The following EEF2K variants were observed in gnomAD, a reference collection of about 807,000 sequenced individuals.
EEF2K encodes alternative protein EEF2K.
A neutral mutation model predicts 93.8 loss-of-function variants in EEF2K; 70 were observed. The ratio of observed to expected loss-of-function variants is 0.75; its 90% CI spans 0.62 to 0.91. The LOEUF (loss-of-function observed/expected upper bound fraction) is 0.91, where lower values mean the gene tolerates loss of function less well. EEF2K is among the 40% of genes least tolerant of loss of function. The pLI, the probability that EEF2K is intolerant of heterozygous loss-of-function variation, is 0.00. For missense variants in EEF2K, 935 were observed against 972.9 expected, an observed-to-expected ratio of 0.96 and a Z score of 0.52; for synonymous variants, 376 against 380.8, an observed-to-expected ratio of 0.99 and a Z score of 0.15.
At chr16:22,258,405 G>T in intron 9 of EEF2K, 89 bp from the exon 10 acceptor site, 2 of 1,342,352 alleles carry the variant, frequency 1.5e-6, no homozygotes, top group South Asian at 2.6e-5. Context: ...TGGATGAAGG[G>T]GTTTCAGGGT....
Position 22,214,958 on chromosome 16 carries a change from G to A in EEF2K, c.-77+8279G>A, listed in dbSNP as rs145918846. ...GCTTGAGCAGATTGCTTACAGAATT[G>A]CCTGGGGTTTAAAAACCCTCTAGAG... On this transcript the variant is annotated intron_variant, in intron 1 of 17. Transcript: ENST00000263026. Among the ~76,000 whole-genome samples the A allele has an allele frequency of 3.5e-4, 53 of 152,278 alleles. No individual in the cohort carries two copies. The East Asian group carries it at 6.2e-3, about 18-fold the overall frequency.
At position 22,225,755 on chromosome 16, in the gene EEF2K, G is replaced by A. The variant is rs752397121; in HGVS notation, c.26G>A (p.Arg9His). Reference protein sequence around the residue: MADEDLIFRLEGVDGGQSP... With the variant: MADEDLIFHLEGVDGGQSP... Reference sequence around the variant, plus strand: ...ATGGCAGACGAAGATCTCATCTTCCGCCTGGAAGGCGTTGATGGCGGCCAG... The same window carrying A: ...ATGGCAGACGAAGATCTCATCTTCCACCTGGAAGGCGTTGATGGCGGCCAG... Residue 9 changes from arginine (R) to histidine (H), a missense_variant, in exon 2 of 18, where the codon CGC (arginine) becomes CAC (histidine). Arg to His is a conservative substitution (Grantham distance 29, BLOSUM62 0). Coordinates refer to ENST00000263026, the MANE Select transcript of EEF2K (RefSeq NM_013302.5). 6.0e-5 allele frequency: 97 copies of A among 1,614,074 alleles called. No individual in the cohort carries two copies. The highest frequency in any genetic ancestry group is 7.8e-5 in the Non-Finnish European group (92 of 1,180,046).
chr16:22,273,772 AG>A, intron 16 of EEF2K, 22 bp downstream of exon 16: 1 of 1,610,628 alleles, frequency 6.2e-7, no homozygotes, highest in Non-Finnish European at 8.5e-7. Flanking sequence ...GTCACCCAGG[AG>A]GAGCTGGTAG....
At chr16:22,252,281 G>C (rs962756128) in intron 6 of EEF2K, among the ~76,000 whole-genome samples, 1 of 152,232 alleles carries the variant, frequency 6.6e-6, no homozygotes, top group Admixed American at 6.5e-5. Context: ...ACGGCTGGAT[G>C]CAGGATTAAA....
intron 2 of EEF2K, among the ~76,000 whole-genome samples, chr16:22,229,054 C>A (rs2047091102): frequency 6.6e-6 from 1 of 151,852 alleles, no homozygotes; most frequent in Non-Finnish European, 1.5e-5. Flanking sequence ...CAGAAGAATC[C>A]CTTGAACCCA....
chr16:22,248,668 G>A (rs1316534411), intron 3 of EEF2K, 87 bp from the exon 4 acceptor site: 12 of 1,528,472 alleles, frequency 7.9e-6, no homozygotes, highest in Non-Finnish European at 1.1e-5. Flanking sequence ...GGTCAGTGGG[G>A]AGCCCAGAAG....
chr16:22,244,881 C>T (rs1324753220), intron 3 of EEF2K, 151 bp downstream of exon 3: 5 of 748,176 alleles, frequency 6.7e-6, no homozygotes, highest in Non-Finnish European at 8.9e-6. Flanking sequence ...GTGCTTAAGG[C>T]CCGGTGCATT....
chr16:22,245,776 C>G (rs528879335), intron 3 of EEF2K, among the ~76,000 whole-genome samples: 64 of 152,262 alleles, frequency 4.2e-4, no homozygotes, highest in African/African-American at 1.4e-3. Flanking sequence ...ATGCACCTAT[C>G]TGTGACAAAA....
intron 1 of EEF2K, among the ~76,000 whole-genome samples, chr16:22,208,430 GGAGAATC>G (rs2046884963): frequency 6.6e-6 from 1 of 152,176 alleles, no homozygotes; most frequent in Admixed American, 6.5e-5. Flanking sequence ...GGCTGAGGCA[GGAGAATC>G]GAGAATCGTT....
At chr16:22,257,597 G>A (rs201951614) in intron 8 of EEF2K, 46 bp from the exon 9 acceptor site, 43 of 1,600,812 alleles carry the variant, frequency 2.7e-5, no homozygotes, top group South Asian at 6.6e-5. Flanking sequence ...CCTGTCCCCC[G>A]TCACAGAGCA....
chr16:22,279,505 A>C (rs1013453283), intron 16 of EEF2K, among the ~76,000 whole-genome samples: 3 of 152,184 alleles, frequency 2.0e-5, no homozygotes, highest in African/African-American at 7.2e-5. Context: ...TGTAATAATC[A>C]CATCAGGATA....
chr16:22,266,615 G>A, intron 14 of EEF2K, 73 bp from the exon 15 acceptor site: 1 of 1,588,152 alleles, frequency 6.3e-7, no homozygotes, highest in Non-Finnish European at 8.6e-7. Flanking sequence ...TCCTCCCGCA[G>A]GCTGGCTGGG....
At chr16:22,266,585 C>G in intron 14 of EEF2K, 61 bp downstream of exon 14, 7 of 1,602,544 alleles carry the variant, frequency 4.4e-6, no homozygotes, top group Non-Finnish European at 6.0e-6. Context: ...CCAGCTCCAG[C>G]CTCTCCTCCG....
chr16:22,275,959 T>C (rs535181744), intron 16 of EEF2K, among the ~76,000 whole-genome samples: 2 of 150,618 alleles, frequency 1.3e-5, no homozygotes, highest in African/African-American at 4.9e-5. Context: ...TATCTATTTA[T>C]TTATTTTTGA....
rs899134922 is a variant in EEF2K, at chr16:22,257,653, G to A, written c.912G>A (p.Gly304=). ...CCGCTCTGTCCACAGGTGTCCGCGG[G>A]ATGGCGCTCTTCTTCTACTCTCATG... ...DFGDGNLGVR[G]MALFFYSHAC... is the part of the protein sequence containing the mutation. Residue 304 remains glycine (G), a synonymous_variant, in exon 9 of 18, where the codon GGG becomes GGA. Transcript: ENST00000263026. 2 of 1,613,438 alleles carry A rather than the reference G, an allele frequency of 1.2e-6. No individual in the cohort carries two copies. Among genetic ancestry groups the A allele is most frequent in the South Asian group, 2.2e-5 (2 of 91,080 alleles).
intron 11 of EEF2K, among the ~76,000 whole-genome samples, 183 bp downstream of exon 11, chr16:22,260,712 C>G (rs773884268): frequency 3.3e-4 from 51 of 152,330 alleles, no homozygotes; most frequent in Non-Finnish European, 6.8e-4. Context: ...CAAGGCTGAG[C>G]TTTCCTCTGA....
chr16:22,250,307 G>A (rs544621998), intron 4 of EEF2K, among the ~76,000 whole-genome samples: 1 of 152,278 alleles, frequency 6.6e-6, no homozygotes, highest in East Asian at 1.9e-4. Flanking sequence ...CCAGTATATT[G>A]TTGCTGGACA....
intron 16 of EEF2K, 48 bp from the exon 17 acceptor site, chr16:22,280,150 C>T: frequency 7.0e-7 from 1 of 1,420,396 alleles, no homozygotes; most frequent in Non-Finnish European, 9.3e-7. Context: ...CTCCTGCCAC[C>T]CTGTTGCCAT....
At chr16:22,267,719 G>A in intron 15 of EEF2K, among the ~76,000 whole-genome samples, 1 of 152,156 alleles carries the variant, frequency 6.6e-6, no homozygotes. Flanking sequence ...AGGCCCAGAG[G>A]TGAGAGACAA....
Sources: allele counts gnomAD v4.1 joint callset (sites outside exome capture counted in the v4.1 genomes callset), GRCh38; gene constraint gnomAD v4.1.1; transcripts MANE v1.5; gene names NCBI Gene and HGNC (gene_info 2026-07-23, HGNC 2026-07-21).